The following BFSP1 variants were observed in gnomAD, a reference collection of about 807,000 sequenced individuals.
BFSP1 encodes the protein filensin.
Under a neutral mutation model 43.9 loss-of-function variants are expected in BFSP1, and 38 were observed. The ratio of observed to expected loss-of-function variants is 0.87; its 90% confidence interval spans 0.67 to 1.14. BFSP1 has a LOEUF of 1.14. BFSP1 is among the 50% of genes most tolerant of loss of function. BFSP1 has a pLI of 0.00. For missense variants in BFSP1, 850 were observed against 875.1 expected, an observed-to-expected ratio of 0.97 and a Z score of 0.36; for synonymous variants, 352 against 354.8, an observed-to-expected ratio of 0.99 and a Z score of 0.09.
intron 1 of BFSP1, among the ~76,000 whole-genome samples, chr20:17,528,369 G>C (rs3790328): frequency 6.6e-6 from 1 of 152,104 alleles, no homozygotes; most frequent in African/African-American, 2.4e-5. Flanking sequence ...CCTTCAACTA[G>C]GACTCATGGA....
intron 5 of BFSP1, among the ~76,000 whole-genome samples, chr20:17,501,126 T>A (rs1186746775): frequency 6.6e-6 from 1 of 152,242 alleles, no homozygotes; most frequent in Non-Finnish European, 1.5e-5. Flanking sequence ...GTATGTCCAC[T>A]GCAGGCATTT....
chr20:17,501,518 T>TGCACCCCAGACTGGGTGACAGA lies in BFSP1; in HGVS notation c.736-2500_736-2479dup, dbSNP rs36211012. On this transcript the variant is annotated intron_variant, in intron 5 of 7. Transcript: ENST00000377873. The stretch of plus-strand genomic sequence containing the variant: ...TTGCAGTGAGCCGAGATCATGCCAC[T>TGCACCCCAGACTGGGTGACAGA]GCACCCCAGACTGGGTGACAGAGCA... Among the ~76,000 whole-genome samples, 57 of 136,592 alleles carry TGCACCCCAGACTGGGTGACAGA rather than the reference T, an allele frequency of 4.2e-4. 1 individual carries two copies. The highest frequency in any genetic ancestry group is 1.8e-3 in the South Asian group (8 of 4,360). 89.6% of individuals were successfully genotyped at this position (136,592 alleles called of 152,430 possible). A position where few individuals can be genotyped will look rare whatever the true frequency, so the allele number is the denominator to read the frequency against.
chr20:17,497,486 G>GTA (rs553251877), intron 6 of BFSP1, among the ~76,000 whole-genome samples: 166 of 116,032 alleles, frequency 1.4e-3, no homozygotes, highest in Middle Eastern at 5.1e-3. Flanking sequence ...ATATACGTGT[G>GTA]TATATATATA....
chr20:17,549,106 A>G (rs980850854), intron 1 of BFSP1, among the ~76,000 whole-genome samples: 1 of 152,126 alleles, frequency 6.6e-6, no homozygotes, highest in African/African-American at 2.4e-5. Flanking sequence ...CCACTATGCC[A>G]GCCCCATATT....
intron 1 of BFSP1, among the ~76,000 whole-genome samples, chr20:17,526,694 T>C (rs574819386): frequency 6.6e-6 from 1 of 152,344 alleles, no homozygotes; most frequent in Admixed American, 6.5e-5. Context: ...GAAATGGAAA[T>C]GTTGCATCAT....
chr20:17,560,377 C>G (rs1037446047), upstream of BFSP1: 2 of 152,196 alleles, frequency 1.3e-5, no homozygotes, highest in African/African-American at 4.8e-5. Context: ...TGTGGATGCT[C>G]CACTCATCAA....
upstream of BFSP1, among the ~76,000 whole-genome samples, chr20:17,532,632 T>C (rs1158417198): frequency 6.6e-6 from 1 of 151,810 alleles, no homozygotes; most frequent in Non-Finnish European, 1.5e-5. Flanking sequence ...TTAATTTTTA[T>C]TATGGAACTA....
At chr20:17,501,240 A>G (rs1056795574) in intron 5 of BFSP1, among the ~76,000 whole-genome samples, 11 of 152,224 alleles carry the variant, frequency 7.2e-5, no homozygotes, top group African/African-American at 2.7e-4. Context: ...GGATCATGAA[A>G]TTCCTTAAGT....
At chr20:17,561,898 T>C (rs2035070047), upstream of BFSP1, among the ~76,000 whole-genome samples, 1 of 152,116 alleles carries the variant, frequency 6.6e-6, no homozygotes, top group African/African-American at 2.4e-5. Context: ...TCCGTCTTTC[T>C]AGAGAGAGGT....
exon 1 of BFSP1, chr20:17,558,826 T>C (rs2035038233): frequency 7.6e-7 from 1 of 1,322,944 alleles, no homozygotes; most frequent in Non-Finnish European, 1.0e-6. Context: ...AGGTCTGGGC[T>C]GAGAAAGAAA....
At chr20:17,498,438 C>A (rs1229250913) in intron 6 of BFSP1, among the ~76,000 whole-genome samples, 1 of 152,194 alleles carries the variant, frequency 6.6e-6, no homozygotes, top group African/African-American at 2.4e-5. Flanking sequence ...AGGCTCCGTG[C>A]CACGTAGCTC....
intron 1 of BFSP1, among the ~76,000 whole-genome samples, chr20:17,557,869 T>G (rs2035019265): frequency 6.6e-6 from 1 of 152,200 alleles, no homozygotes; most frequent in Non-Finnish European, 1.5e-5. Flanking sequence ...CACTCCCAGC[T>G]GTTAGTAAGT....
intron 1 of BFSP1, among the ~76,000 whole-genome samples, chr20:17,547,409 AC>A (rs1384539724): frequency 2.0e-5 from 3 of 152,050 alleles, no homozygotes; most frequent in African/African-American, 7.2e-5. Flanking sequence ...TGTTTTAAAG[AC>A]CTGTAAAAAC....
chr20:17,496,786 A>G, intron 7 of BFSP1, 152 bp downstream of exon 7: 3 of 648,582 alleles, frequency 4.6e-6, no homozygotes, highest in Non-Finnish European at 7.3e-6. Flanking sequence ...CAAGCCAGAG[A>G]GGGCAGAGGG....
intron 1 of BFSP1, among the ~76,000 whole-genome samples, chr20:17,553,850 C>CAT (rs869119570): frequency 0.019 from 1,431 of 77,214 alleles, 79 homozygotes; most frequent in African/African-American, 0.08. Context: ...CATATATATA[C>CAT]ATATATATAC....
chr20:17,514,353 A>G (rs541021804), intron 3 of BFSP1, among the ~76,000 whole-genome samples: 3 of 152,330 alleles, frequency 2.0e-5, no homozygotes, highest in African/African-American at 7.2e-5. Flanking sequence ...TGCTCCTGCA[A>G]TTAACGGGCT....
intron 5 of BFSP1, among the ~76,000 whole-genome samples, chr20:17,504,928 GTTTTTGT>G (rs1261845439): frequency 1.0e-5 from 1 of 98,584 alleles, no homozygotes; most frequent in Non-Finnish European, 2.1e-5. Context: ...TTTTGTTTTT[GTTTTTGT>G]TTTGTCTTAA....
chr20:17,542,628 C>T (rs1197481332), intron 1 of BFSP1, among the ~76,000 whole-genome samples: 1 of 151,972 alleles, frequency 6.6e-6, no homozygotes, highest in African/African-American at 2.4e-5. Context: ...AGTTGTTAAA[C>T]ATTTACTAAC....
At chr20:17,540,068 C>T (rs1307281748) in intron 1 of BFSP1, among the ~76,000 whole-genome samples, 1 of 152,206 alleles carries the variant, frequency 6.6e-6, no homozygotes, top group Non-Finnish European at 1.5e-5. Flanking sequence ...CTAAACTCCA[C>T]ATGAAGTTTT....
Sources: allele counts gnomAD v4.1 joint callset (sites outside exome capture counted in the v4.1 genomes callset), GRCh38; gene constraint gnomAD v4.1.1; transcripts MANE v1.5; gene names NCBI Gene and HGNC (gene_info 2026-07-23, HGNC 2026-07-21).